Variants in SGCE observed in about 807,000 individuals in gnomAD.
SGCE encodes the protein epsilon-sarcoglycan.
SGCE carries 26 observed loss-of-function variants against 57.8 expected under a neutral mutation model. The ratio of observed to expected loss-of-function variants is 0.45; its 90% CI spans 0.33 to 0.62. The LOEUF (loss-of-function observed/expected upper bound fraction) is 0.62. Ranked by LOEUF, SGCE falls within the 20% of genes least tolerant of loss-of-function variation. SGCE has a pLI of 0.02. For missense variants in SGCE, 468 were observed against 548.6 expected (o/e 0.85, Z 1.47); for synonymous variants, 183 against 189.5 (o/e 0.97, Z 0.28).
intron 5 of SGCE, among the ~76,000 whole-genome samples, chr7:94,615,493 A>G (rs1801792351): frequency 6.6e-6 from 1 of 152,170 alleles, no homozygotes; most frequent in African/African-American, 2.4e-5. Context: ...GCCCAGGATC[A>G]TGACTTTCCA....
intron 1 of SGCE, among the ~76,000 whole-genome samples, chr7:94,642,018 T>C (rs921504305): frequency 1.2e-4 from 18 of 152,262 alleles, no homozygotes; most frequent in Non-Finnish European, 2.4e-4. Context: ...GCACCCTTTA[T>C]ATATGTACAA....
At chr7:94,599,208 T>C (rs1798854395) in intron 8 of SGCE, 1 of 430,034 alleles carries the variant, frequency 2.3e-6, no homozygotes, top group Admixed American at 3.9e-5. Context: ...TATGAAGCAT[T>C]GTATTAATAT....
chr7:94,615,389 GATAGA>G (rs1204955710), intron 5 of SGCE, among the ~76,000 whole-genome samples: 1 of 148,572 alleles, frequency 6.7e-6, no homozygotes, highest in East Asian at 1.9e-4. Flanking sequence ...TAGATAGATA[GATAGA>G]TAGATAGATA....
At chr7:94,650,107 A>G (rs1807673371) in intron 1 of SGCE, among the ~76,000 whole-genome samples, 1 of 152,240 alleles carries the variant, frequency 6.6e-6, no homozygotes, top group African/African-American at 2.4e-5. Flanking sequence ...GACACTAAGA[A>G]TGTGCCCTTC....
At chr7:94,609,471 G>A (rs2116795536) in intron 5 of SGCE, among the ~76,000 whole-genome samples, 1 of 152,332 alleles carries the variant, frequency 6.6e-6, no homozygotes, top group Non-Finnish European at 1.5e-5. Flanking sequence ...GGCAGAGGCT[G>A]CAGTGAGCCA....
At chr7:94,624,318 T>C (rs1803356125) in intron 3 of SGCE, 1 of 397,684 alleles carries the variant, frequency 2.5e-6, no homozygotes, top group Non-Finnish European at 4.4e-6. Context: ...TTAAAACAAA[T>C]ATCAAAGATT....
chr7:94,621,270 C>G (rs954488143), intron 4 of SGCE: 1 of 152,236 alleles, frequency 6.6e-6, no homozygotes, highest in Non-Finnish European at 1.5e-5. Flanking sequence ...GACTTTAGTG[C>G]AGTGGTTCAA....
intron 5 of SGCE, among the ~76,000 whole-genome samples, chr7:94,613,350 G>C (rs1801367041): frequency 6.6e-6 from 1 of 152,058 alleles, no homozygotes; most frequent in South Asian, 2.1e-4. Context: ...GCTAGTTGTT[G>C]TCAAAATTTA....
At chr7:94,592,042 A>G (rs1797760628) in intron 9 of SGCE, among the ~76,000 whole-genome samples, 2 of 152,174 alleles carry the variant, frequency 1.3e-5, no homozygotes, top group South Asian at 4.1e-4. Flanking sequence ...GAGATTCAAC[A>G]TCCCCTGATT....
At position 94,600,924 on chromosome 7, in the gene SGCE, G is replaced by T; in HGVS notation, c.826-67C>A. The stretch of plus-strand genomic sequence containing the variant: ...CAAACATTATGAGATTTTAAGATCT[G>T]GATACACTAAAGCATTCTTTGACAA... On this transcript the variant is annotated intron_variant, in intron 6 of 10. Coordinates refer to ENST00000648936, the MANE Select transcript of SGCE (RefSeq NM_003919.3). 5 of 1,279,388 alleles carry T rather than the reference G, an allele frequency of 3.9e-6. No individual in the cohort carries two copies. The South Asian group carries it at 6.3e-5, about 16-fold the overall frequency. 79.3% of individuals were successfully genotyped at this position (1,279,388 alleles called of 1,614,324 possible). A position where few individuals can be genotyped will look rare whatever the true frequency, so the allele number is the denominator to read the frequency against.
chr7:94,607,042 C>A (rs1381745835), intron 5 of SGCE, among the ~76,000 whole-genome samples: 1 of 151,430 alleles, frequency 6.6e-6, no homozygotes, highest in Non-Finnish European at 1.5e-5. Flanking sequence ...ATTGAAACCT[C>A]CCCCTCAGGA....
At chr7:94,617,018 T>C (rs1288041660) in intron 5 of SGCE, 1 of 152,200 alleles carries the variant, frequency 6.6e-6, no homozygotes, top group Admixed American at 6.6e-5. Context: ...TGCCACCCTC[T>C]AGCAGGTGTT....
chr7:94,598,597 A>G (rs1798756980), intron 9 of SGCE, 178 bp downstream of exon 9: 5 of 625,674 alleles, frequency 8.0e-6, no homozygotes, highest in Non-Finnish European at 2.8e-6. Context: ...TGCATTTCCT[A>G]AAAGTAATTG....
rs969683928 is a variant in SGCE at position 94,598,855 on chromosome 7, G to C, written c.1173C>G (p.His391Gln). ...AWPLSTLPVFHPVTGEIIPPL... is the reference protein window; with the variant it reads ...AWPLSTLPVFQPVTGEIIPPL... ...GAGGTATGATTTCCCCAGTCACAGGGTGGAACACAGGAAGCGTTGACAGGG... is the reference window on the plus strand; with the variant it reads ...GAGGTATGATTTCCCCAGTCACAGGCTGGAACACAGGAAGCGTTGACAGGG... The change falls in exon 9 of 11, where the codon CAC (histidine) becomes CAG (glutamine). Residue 391 changes from histidine to glutamine, a missense_variant. Coordinates refer to ENST00000648936, the MANE Select transcript of SGCE (RefSeq NM_003919.3). The C allele has an allele frequency of 1.9e-6, 3 of 1,612,250 alleles. No homozygotes were observed. The East Asian group carries it at 6.7e-5, about 36-fold the overall frequency.
intron 5 of SGCE, among the ~76,000 whole-genome samples, chr7:94,605,109 T>A (rs549726779): frequency 1.3e-5 from 2 of 151,928 alleles, no homozygotes; most frequent in Non-Finnish European, 2.9e-5. Flanking sequence ...AAAAAAATTA[T>A]AAAACATACT....
chr7:94,633,737 A>C (rs930676025), intron 1 of SGCE, among the ~76,000 whole-genome samples: 3 of 152,208 alleles, frequency 2.0e-5, no homozygotes, highest in African/African-American at 7.2e-5. Context: ...TGTGCTTATT[A>C]CAATTACCTT....
At chr7:94,631,561 A>T (rs1804728265) in intron 1 of SGCE, among the ~76,000 whole-genome samples, 1 of 151,956 alleles carries the variant, frequency 6.6e-6, no homozygotes, top group South Asian at 2.1e-4. Flanking sequence ...TTAAAATACT[A>T]CAGTAGTAGG....
chr7:94,653,872 A>T (rs1808223557), intron 1 of SGCE, among the ~76,000 whole-genome samples: 1 of 152,008 alleles, frequency 6.6e-6, no homozygotes, highest in Non-Finnish European at 1.5e-5. Flanking sequence ...AATTTTAATT[A>T]AAAAATTAAT....
chr7:94,642,151 C>T (rs926254821), intron 1 of SGCE, among the ~76,000 whole-genome samples: 1 of 152,044 alleles, frequency 6.6e-6, no homozygotes, highest in Non-Finnish European at 1.5e-5. Context: ...CACAGCACCC[C>T]CCAAAATAAG....
Sources: allele counts gnomAD v4.1 joint callset (sites outside exome capture counted in the v4.1 genomes callset), GRCh38; gene constraint gnomAD v4.1.1; transcripts MANE v1.5; gene names NCBI Gene and HGNC (gene_info 2026-07-23, HGNC 2026-07-21).